DDX49: variants seen among roughly 807,000 people sequenced by gnomAD.
The protein encoded by DDX49 is probable ATP-dependent RNA helicase DDX49.
DDX49 carries 50 observed loss-of-function variants against 56.3 expected under a neutral mutation model. The ratio of observed to expected loss-of-function variants is 0.89; its 90% CI spans 0.71 to 1.12. The LOEUF (loss-of-function observed/expected upper bound fraction) is 1.12. Among genes scored for constraint, DDX49 ranks in the 50% most tolerant of loss-of-function variants. DDX49 has a pLI of 0.00. For synonymous variants in DDX49, 269 were observed against 270.6 expected (o/e 0.99, Z 0.06); for missense variants, 614 against 650.5 (o/e 0.94, Z 0.61).
chr19:18,925,894 G>A (rs745588694), intron 9 of DDX49, among the ~76,000 whole-genome samples: 3 of 152,224 alleles, frequency 2.0e-5, no homozygotes, highest in African/African-American at 7.2e-5. Flanking sequence ...TGACGTCCTC[G>A]TGGGGCTGCC....
intron 10 of DDX49, 36 bp from the exon 11 acceptor site, chr19:18,927,730 T>TGGGCC: frequency 6.4e-7 from 1 of 1,561,164 alleles, no homozygotes; most frequent in Non-Finnish European, 8.8e-7. Context: ...TCACGTCTCC[T>TGGGCC]CCCCACCCCC....
chr19:18,926,576 G>A (rs551689401), intron 10 of DDX49, among the ~76,000 whole-genome samples, 199 bp downstream of exon 10: 15 of 152,228 alleles, frequency 9.9e-5, no homozygotes, highest in South Asian at 6.2e-4. Context: ...CATAGTTGTC[G>A]CCAGCAGCTG....
At chr19:18,924,788 C>T in intron 8 of DDX49, 89 bp downstream of exon 8, 1 of 1,612,684 alleles carries the variant, frequency 6.2e-7, no homozygotes, top group Non-Finnish European at 8.5e-7. Context: ...GCATGTCAGG[C>T]AGCCCTAGCA....
At chr19:18,919,962 C>A in intron 1 of DDX49, 106 bp downstream of exon 1, 1 of 841,186 alleles carries the variant, frequency 1.2e-6, no homozygotes, top group Non-Finnish European at 1.8e-6. Flanking sequence ...GAGGGGCAAC[C>A]TCGGGCGTTA....
rs373484347 is a variant in DDX49 at position 18,921,627 on chromosome 19, A to T, written c.240-36A>T. On this transcript the variant is annotated intron_variant, in intron 2 of 12. Transcript: ENST00000247003. ...GGGAATGGGGGGCAGGTCCAGAACC[A>T]CTACCTGACCCAGCCTGGCCCCTTC... The T allele has an allele frequency of 3.1e-6, 5 of 1,600,162 alleles. No homozygotes were observed. In the African/African-American group the frequency reaches 6.7e-5, roughly 21 times the overall value.
Position 18,928,407 on chromosome 19 carries a change from G to C in DDX49, c.*91G>C. ...TTGGGGGCAGCAGCCCTTCCCGGGG[G>C]CCTACCCAGTGCCCCACAGCAGAAC... On this transcript the variant is annotated 3_prime_UTR_variant, in exon 13 of 13. Transcript: ENST00000247003. 7.6e-7 allele frequency: 1 copy of C among 1,313,584 alleles called. No homozygotes were observed. Among genetic ancestry groups the C allele is most frequent in the East Asian group, 2.5e-5 (1 of 39,426 alleles). 81.4% of individuals were successfully genotyped at this position (1,313,584 alleles called of 1,614,324 possible). A position where few individuals can be genotyped will look rare whatever the true frequency, so the allele number is the denominator to read the frequency against.
Position 18,921,966 on chromosome 19 carries a change from T to G in DDX49, c.447+2T>G. On this transcript the variant is annotated splice_donor_variant, in intron 4 of 12. Coordinates refer to ENST00000247003, the MANE Select transcript of DDX49 (RefSeq NM_019070.5). LOFTEE classifies it high-confidence loss of function. ...AGTATAAAGAAGATCCGCTTCCTGGTGAGTTCGCCCCGCCCCTGCAGACCT... is the reference window on the plus strand; with the variant it reads ...AGTATAAAGAAGATCCGCTTCCTGGGGAGTTCGCCCCGCCCCTGCAGACCT... 6.2e-7 allele frequency: 1 copy of G among 1,605,390 alleles called. No homozygotes were observed. The highest frequency in any genetic ancestry group is 8.5e-7 in the Non-Finnish European group (1 of 1,174,650).
chr19:18,920,130 A>T (rs958590286), intron 1 of DDX49, among the ~76,000 whole-genome samples: 1 of 152,226 alleles, frequency 6.6e-6, no homozygotes, highest in Non-Finnish European at 1.5e-5. Flanking sequence ...ATAGTATCGC[A>T]AAATCCTGCA....
rs2056949445 is a variant in DDX49, at chr19:18,924,973, C to T, written c.1021C>T (p.Arg341Cys). The T allele has an allele frequency of 1.9e-6, 3 of 1,610,456 alleles. No individual in the cohort carries two copies. Among genetic ancestry groups the T allele is most frequent in the Non-Finnish European group, 8.5e-7 (1 of 1,179,730 alleles). The stretch of plus-strand genomic sequence containing the variant: ...CATCCACCGAGTCGGCCGGACGGCC[C>T]GTGCAGGTGAGCAGTGGAGGGGGAG... ...IYIHRVGRTA[R>C]AGRQGQAITL... Residue 341 changes from arginine to cysteine, a missense_variant, in exon 9 of 13, where the codon CGT becomes TGT. Transcript: ENST00000247003.
At chr19:18,922,798 C>T (rs906519804) in intron 6 of DDX49, 54 bp downstream of exon 6, 28 of 1,586,044 alleles carry the variant, frequency 1.8e-5, no homozygotes, top group Middle Eastern at 1.7e-4. Context: ...GGAGGTGGCC[C>T]GACGTCTTTG....
In DDX49 at chr19:18,924,934, C is replaced by G. The variant is rs1210510004; in HGVS notation, c.982C>G (p.Leu328Val). 6.2e-7 allele frequency: 1 copy of G among 1,612,604 alleles called. No individual in the cohort carries two copies. Among genetic ancestry groups the G allele is most frequent in the Non-Finnish European group, 8.5e-7 (1 of 1,179,922 alleles). Reference protein sequence around the residue: ...QVVINHNTPGLPKIYIHRVGR... With the variant: ...QVVINHNTPGVPKIYIHRVGR... ...GGTCATCAACCACAACACCCCCGGG[C>G]TCCCCAAGATCTACATCCACCGAGT... The change falls in exon 9 of 13, where the codon CTC (leucine) becomes GTC (valine). Residue 328 changes from leucine to valine, a missense_variant. Transcript: ENST00000247003.
chr19:18,921,640 G>C (rs1170764351), intron 2 of DDX49, 23 bp from the exon 3 acceptor site: 2 of 1,612,580 alleles, frequency 1.2e-6, no homozygotes, highest in Non-Finnish European at 1.7e-6. Flanking sequence ...ACCTGACCCA[G>C]CCTGGCCCCT....
intron 2 of DDX49, 77 bp downstream of exon 2, chr19:18,920,780 C>T (rs1192947594): frequency 3.5e-6 from 5 of 1,444,286 alleles, no homozygotes; most frequent in African/African-American, 2.8e-5. Context: ...CCTCTCTGAG[C>T]GCCCTTTTCC....
Position 18,922,691 on chromosome 19 carries a change from C to T in DDX49, c.723C>T (p.Arg241=). 2 of 1,614,056 alleles carry T rather than the reference C, an allele frequency of 1.2e-6. No individual in the cohort carries two copies. Among genetic ancestry groups the T allele is most frequent in the Non-Finnish European group, 1.7e-6 (2 of 1,180,040 alleles). The change falls in exon 6 of 13, where the codon CGC becomes CGT. Residue 241 remains arginine, a synonymous_variant. Coordinates refer to ENST00000247003, the MANE Select transcript of DDX49 (RefSeq NM_019070.5). The part of the protein sequence containing the change: ...KDAYLVHLIQ[R]FQDEHEDWSI... Reference sequence around the variant, plus strand: ...CCTACCTGGTCCACCTGATCCAGCGCTTCCAGGATGAGCACGAGGACTGGT... The same window carrying T: ...CCTACCTGGTCCACCTGATCCAGCGTTTCCAGGATGAGCACGAGGACTGGT...
At position 18,921,936 on chromosome 19, in the gene DDX49, CT is replaced by C. The variant is rs2056921171; in HGVS notation, c.423del (p.Phe141LeufsTer3). Reference protein sequence around the residue: ...RLADHLRSSNTFSIKKIRFLV... With the variant: ...RLADHLRSSNXFSIKKIRFLV... ...GCAGATCACCTGCGCAGCTCCAACA[CT>C]TTTAGTATAAAGAAGATCCGCTTCC... On this transcript the variant is annotated frameshift_variant, in exon 4 of 13. Transcript: ENST00000247003. LOFTEE classifies it high-confidence loss of function. 6.2e-7 allele frequency: 1 copy of C among 1,613,368 alleles called. No individual in the cohort carries two copies. The highest frequency in any genetic ancestry group is 8.5e-7 in the Non-Finnish European group (1 of 1,179,828).
chr19:18,922,552 C>T lies in DDX49; in HGVS notation c.635+39C>T, dbSNP rs776088839. On this transcript the variant is annotated intron_variant, in intron 5 of 12. Coordinates refer to ENST00000247003, the MANE Select transcript of DDX49 (RefSeq NM_019070.5). ...CCAGACAGCGTGGGGAGGGCAGCCC[C>T]ATCCTACAGACAGGGACACTGAGGC... 24 of 1,598,120 alleles carry T rather than the reference C, an allele frequency of 1.5e-5. 1 individual carries two copies. In the Admixed American group the frequency reaches 3.5e-4, roughly 23 times the overall value.
chr19:18,928,214 G>T lies in DDX49; in HGVS notation c.1350G>T (p.Thr450=). 1 of 1,586,612 alleles carries T rather than the reference G, an allele frequency of 6.3e-7. No homozygotes were observed. Among genetic ancestry groups the T allele is most frequent in the Non-Finnish European group, 8.6e-7 (1 of 1,166,474 alleles). The change falls in exon 13 of 13, where the codon ACG becomes ACT. Residue 450 remains threonine (T), a synonymous_variant. Coordinates refer to ENST00000247003, the MANE Select transcript of DDX49 (RefSeq NM_019070.5). ...NRRFKEKVEE[T]LKRQKAGRAG... ...GCTTCAAGGAGAAGGTGGAGGAGACGCTGAAGCGACAGAAGGCTGGCAGGG... is the reference window on the plus strand; with the variant it reads ...GCTTCAAGGAGAAGGTGGAGGAGACTCTGAAGCGACAGAAGGCTGGCAGGG...
In DDX49 at chr19:18,919,831, C is replaced by T. The variant is rs758714012; in HGVS notation, c.90C>T (p.Leu30=). ...TGAAGCAGCCCACGCCCGTGCAGCTCGGCTGCATCCCCGCCATCCTGGAGG... is the reference window on the plus strand; with the variant it reads ...TGAAGCAGCCCACGCCCGTGCAGCTTGGCTGCATCCCCGCCATCCTGGAGG... ...LGLKQPTPVQ[L]GCIPAILEGR... is the part of the protein sequence containing the mutation. Residue 30 remains leucine (L), a synonymous_variant, in exon 1 of 13, where the codon CTC becomes CTT. Transcript: ENST00000247003. 6.2e-7 allele frequency: 1 copy of T among 1,603,148 alleles called. No homozygotes were observed. Among genetic ancestry groups the T allele is most frequent in the Non-Finnish European group, 8.5e-7 (1 of 1,171,434 alleles).
chr19:18,924,839 C>G lies in DDX49; in HGVS notation c.930-43C>G, dbSNP rs200828253. Reference sequence around the variant, plus strand: ...CCTGGGTGAGTCCTTGCCTCGGTTTCCCCACATGGACAGTGGAGCTGACCA... The same window carrying G: ...CCTGGGTGAGTCCTTGCCTCGGTTTGCCCACATGGACAGTGGAGCTGACCA... On this transcript the variant is annotated intron_variant, in intron 8 of 12. Coordinates refer to ENST00000247003, the MANE Select transcript of DDX49 (RefSeq NM_019070.5). The G allele has an allele frequency of 8.1e-6, 13 of 1,612,110 alleles. No individual in the cohort carries two copies. In the African/African-American group the frequency reaches 1.7e-4, roughly 21 times the overall value.
Sources: allele counts gnomAD v4.1 joint callset (sites outside exome capture counted in the v4.1 genomes callset), GRCh38; gene constraint gnomAD v4.1.1; transcripts MANE v1.5; gene names NCBI Gene and HGNC (gene_info 2026-07-23, HGNC 2026-07-21).